The following RELL1 variants were observed in gnomAD, a reference collection of about 807,000 sequenced individuals.
RELL1 encodes RELT like 1.
In RELL1, 10 loss-of-function variants were observed where a neutral mutation model predicts 23.0. The ratio of observed to expected loss-of-function variants is 0.43; its 90% CI spans 0.27 to 0.74. The LOEUF is 0.74. Among genes scored for constraint, RELL1 ranks in the 30% least tolerant of loss-of-function variants. RELL1 has a pLI of 0.19. For missense variants in RELL1, 315 were observed against 364.4 expected, an observed-to-expected ratio of 0.86 and a Z score of 1.10; for synonymous variants, 146 against 146.8, an observed-to-expected ratio of 0.99 and a Z score of 0.04.
At chr4:37,623,217 C>T (rs1050035334) in intron 6 of RELL1, 1 of 221,072 alleles carries the variant, frequency 4.5e-6, no homozygotes, top group African/African-American at 2.4e-5. Flanking sequence ...AACTGAATGG[C>T]TCACACACCT....
chr4:37,604,972 C>T (rs1719152008), intron 6 of RELL1, among the ~76,000 whole-genome samples: 1 of 151,474 alleles, frequency 6.6e-6, no homozygotes, highest in Non-Finnish European at 1.5e-5. Context: ...CACATACACA[C>T]AGTACTTCAG....
chr4:37,614,298 T>C (rs58827281), intron 6 of RELL1, among the ~76,000 whole-genome samples: 5,354 of 152,150 alleles, frequency 0.035, 250 homozygotes, highest in East Asian at 0.27. Context: ...TGGTCAACCA[T>C]AATATTCAAT....
intron 1 of RELL1, among the ~76,000 whole-genome samples, chr4:37,674,930 A>C (rs947978626): frequency 1.3e-5 from 2 of 152,242 alleles, no homozygotes; most frequent in Admixed American, 1.3e-4. Context: ...TAAGTCTTCA[A>C]CCATGCAGCA....
At chr4:37,622,052 A>G (rs1214154918) in intron 6 of RELL1, among the ~76,000 whole-genome samples, 1 of 152,360 alleles carries the variant, frequency 6.6e-6, no homozygotes, top group African/African-American at 2.4e-5. Flanking sequence ...CAAATAGGGC[A>G]TATAGCTTTT....
intron 6 of RELL1, among the ~76,000 whole-genome samples, chr4:37,629,335 C>T (rs951586638): frequency 2.6e-5 from 4 of 152,178 alleles, no homozygotes; most frequent in Admixed American, 2.0e-4. Context: ...GCTATATGAC[C>T]TTCAACATGT....
intron 1 of RELL1, among the ~76,000 whole-genome samples, chr4:37,681,057 C>G (rs1398083744): frequency 6.6e-6 from 1 of 151,800 alleles, no homozygotes; most frequent in Non-Finnish European, 1.5e-5. Flanking sequence ...AACTTTAGAT[C>G]TTTGGGGAAA....
At chr4:37,606,189 A>G (rs13144627), downstream of RELL1, among the ~76,000 whole-genome samples, 46,860 of 122,620 alleles carry the variant, frequency 0.38, 9,356 homozygotes, top group Non-Finnish European at 0.53. The surrounding 1 kb of genome is among the most constrained non-coding windows in gnomAD (Gnocchi z 4.1). Context: ...AGAAGAAAGA[A>G]AGAGAAAGAA....
downstream of RELL1, chr4:37,590,353 G>A (rs749021414): frequency 9.3e-6 from 15 of 1,613,558 alleles, no homozygotes; most frequent in African/African-American, 6.7e-5. Flanking sequence ...CGGTGTCAAC[G>A]GCATCGGCCC....
intron 4 of RELL1, among the ~76,000 whole-genome samples, chr4:37,637,930 T>G (rs78419438): frequency 6.6e-6 from 1 of 152,200 alleles, no homozygotes; most frequent in Non-Finnish European, 1.5e-5. Context: ...GTACTCTGTA[T>G]TCCTTATAAC....
chr4:37,655,276 T>G (rs1310920031), intron 1 of RELL1, among the ~76,000 whole-genome samples: 3 of 152,124 alleles, frequency 2.0e-5, no homozygotes, highest in Non-Finnish European at 4.4e-5. Flanking sequence ...GCAAGTTTGC[T>G]TGGTGTTATG....
At chr4:37,680,047 T>C (rs902471181) in intron 1 of RELL1, among the ~76,000 whole-genome samples, 4 of 152,170 alleles carry the variant, frequency 2.6e-5, no homozygotes, top group Non-Finnish European at 5.9e-5. Flanking sequence ...TTTCAGAGCT[T>C]TTTACATTTC....
At position 37,611,731 on chromosome 4, in the gene RELL1, A is replaced by T. The variant is rs925520732; in HGVS notation, c.*1615T>A. Among the ~76,000 whole-genome samples, 2 of 142,338 alleles carry T rather than the reference A, an allele frequency of 1.4e-5. No individual in the cohort carries two copies. The highest frequency in any genetic ancestry group is 7.0e-5 in the Admixed American group (1 of 14,348). The allele number at this position is 142,338 out of a possible 152,430, so 93.4% of individuals were successfully genotyped here. ...GGTGTTTTGTAAAATGTACAGTTAT[A>T]AAAAAAAAAAAGAAAAAGAAAAGTT... is the stretch of plus-strand genomic sequence containing the variant. On this transcript the variant is annotated 3_prime_UTR_variant, in exon 7 of 7. Transcript: ENST00000454158.
intron 1 of RELL1, among the ~76,000 whole-genome samples, 169 bp downstream of exon 1, chr4:37,686,031 C>T (rs1240373007): frequency 6.6e-6 from 1 of 152,222 alleles, no homozygotes; most frequent in Non-Finnish European, 1.5e-5. Context: ...TTGCCACGCA[C>T]CGCGCCCTGC....
At chr4:37,586,792 C>T (rs1718360123), downstream of RELL1, among the ~76,000 whole-genome samples, 1 of 152,146 alleles carries the variant, frequency 6.6e-6, no homozygotes, top group African/African-American at 2.4e-5. Flanking sequence ...CACCTGTAAT[C>T]CCAGCTACTG....
At chr4:37,669,348 C>G (rs570966717) in intron 1 of RELL1, among the ~76,000 whole-genome samples, 1 of 141,314 alleles carries the variant, frequency 7.1e-6, no homozygotes, top group South Asian at 2.4e-4. Context: ...CCGCTCCCTC[C>G]GGGAGGGAGG....
At chr4:37,641,465 T>A (rs1434811375) in intron 3 of RELL1, among the ~76,000 whole-genome samples, 1 of 152,236 alleles carries the variant, frequency 6.6e-6, no homozygotes, top group Non-Finnish European at 1.5e-5. Context: ...CTGTGAGTTC[T>A]GTTGAAGGTG....
At chr4:37,649,763 G>A (rs538621802) in intron 1 of RELL1, among the ~76,000 whole-genome samples, 1 of 152,344 alleles carries the variant, frequency 6.6e-6, no homozygotes, top group African/African-American at 2.4e-5. Context: ...CTTCATTGTG[G>A]AATGAGTATA....
chr4:37,596,736 A>ATATATATATATATATATATATAT (rs1365185216), intron 6 of RELL1, among the ~76,000 whole-genome samples: 1 of 16,498 alleles, frequency 6.1e-5, no homozygotes, highest in Non-Finnish European at 1.5e-4. Context: ...ATATATATAT[A>ATATATATATATATATATATATAT]TTTTTTTTTT....
chr4:37,636,977 A>C (rs1720353543), intron 4 of RELL1, among the ~76,000 whole-genome samples: 1 of 152,238 alleles, frequency 6.6e-6, no homozygotes, highest in Non-Finnish European at 1.5e-5. Flanking sequence ...AAATAAAAAC[A>C]CAAAGCAGTA....
Sources: gnomAD v4.1 joint callset for allele counts (sites outside exome capture counted in the v4.1 genomes callset) on GRCh38, gnomAD v4.1.1 for gene constraint, Gnocchi (gnomAD v3.1) non-coding constraint, MANE v1.5 for transcripts, NCBI Gene and HGNC (gene_info 2026-07-23, HGNC 2026-07-21) for gene names.